The following DLG2 variants were observed in gnomAD, a reference collection of about 807,000 sequenced individuals.
DLG2 encodes the protein disks large homolog 2.
In DLG2, 45 loss-of-function variants were observed where a neutral mutation model predicts 132.5. The observed-to-expected ratio is 0.34, with a 90% CI of 0.27 to 0.44. The LOEUF is 0.44. Ranked by LOEUF, DLG2 falls within the 20% of genes least tolerant of loss-of-function variation. The probability of loss-of-function intolerance (pLI) is 1.00; values close to 1 mark genes in which losing one functional copy is unlikely to be tolerated. For synonymous variants in DLG2, 424 were observed against 419.6 expected, an observed-to-expected ratio of 1.01 and a Z score of -0.13; for missense variants, 1,045 against 1,196.9, an observed-to-expected ratio of 0.87 and a Z score of 1.87.
chr11:85,460,478 G>A lies in DLG2; in HGVS notation c.40+138179C>T, dbSNP rs550058165. Among the ~76,000 whole-genome samples the A allele has an allele frequency of 4.6e-5, 7 of 152,290 alleles. No individual in the cohort carries two copies. In the South Asian group the frequency reaches 1.2e-3, roughly 27 times the overall value. On this transcript the variant is annotated intron_variant, in intron 3 of 27. Coordinates refer to ENST00000376104, the MANE Select transcript of DLG2 (RefSeq NM_001142699.3). ...TCCTGGCAGTGTGGGAGCCTACTCT[G>A]GCTCCATGCCACTCCTGGGTGGGCA...
chr11:85,176,493 T>G (rs2079256826), intron 4 of DLG2, among the ~76,000 whole-genome samples: 1 of 151,890 alleles, frequency 6.6e-6, no homozygotes. Context: ...AATATAAAAC[T>G]CAAAACTATG....
At chr11:83,991,928 C>T (rs974199509) in intron 11 of DLG2, among the ~76,000 whole-genome samples, 65 of 152,192 alleles carry the variant, frequency 4.3e-4, no homozygotes, top group Admixed American at 3.5e-3. Context: ...GGATTAGGGT[C>T]CATTGATTGG....
chr11:83,519,651 A>C lies in DLG2; in HGVS notation c.2193+13057T>G, dbSNP rs187392168. On this transcript the variant is annotated intron_variant, in intron 21 of 27. Coordinates refer to ENST00000376104, the MANE Select transcript of DLG2 (RefSeq NM_001142699.3). ...ACCTGGCTTATATGTAATCTTCAAA[A>C]AACATCAATTGTATTGTTATCACAT... Among the ~76,000 whole-genome samples the C allele has an allele frequency of 3.2e-3, 488 of 152,332 alleles. 5 individuals are homozygous for C. The highest frequency in any genetic ancestry group is 0.017 in the Middle Eastern group (5 of 294).
At chr11:84,405,254 G>A (rs17147295) in intron 7 of DLG2, among the ~76,000 whole-genome samples, 29,957 of 152,186 alleles carry the variant, frequency 0.2, 4,064 homozygotes, top group African/African-American at 0.38. Flanking sequence ...TGCAGCTGTA[G>A]TATTCTTTCC....
chr11:84,128,729 G>A (rs183099004), intron 9 of DLG2, among the ~76,000 whole-genome samples: 161 of 152,052 alleles, frequency 1.1e-3, no homozygotes, highest in African/African-American at 3.7e-3. Context: ...GGCATTTAGG[G>A]GGCAATATAC....
intron 9 of DLG2, among the ~76,000 whole-genome samples, chr11:84,115,665 C>T (rs1011964237): frequency 3.3e-5 from 5 of 152,140 alleles, no homozygotes; most frequent in African/African-American, 1.2e-4. Context: ...AGCATTTTTA[C>T]GTCCTTATTC....
chr11:84,576,230 G>T (rs57498096), intron 6 of DLG2, among the ~76,000 whole-genome samples: 21,451 of 152,132 alleles, frequency 0.14, 1,677 homozygotes, highest in African/African-American at 0.21. Flanking sequence ...CCTACATGCA[G>T]AAATAATCTA....
chr11:84,060,102 C>G (rs2096567079), intron 10 of DLG2, among the ~76,000 whole-genome samples: 1 of 152,094 alleles, frequency 6.6e-6, no homozygotes, highest in Non-Finnish European at 1.5e-5. Context: ...CACCTGAGGT[C>G]AGGGGTTCGA....
chr11:85,055,560 A>C (rs572841609), intron 6 of DLG2, among the ~76,000 whole-genome samples: 3 of 152,322 alleles, frequency 2.0e-5, no homozygotes, highest in East Asian at 1.9e-4. Context: ...CTGGGGAAAC[A>C]AAAATTAGGG....
chr11:83,791,569 T>G, intron 17 of DLG2: 1 of 494,966 alleles, frequency 2.0e-6, no homozygotes, highest in South Asian at 2.0e-5. Context: ...TTAAAACTGA[T>G]TTTCTTCATT....
chr11:83,473,216 G>C, intron 22 of DLG2, among the ~76,000 whole-genome samples: 1 of 152,086 alleles, frequency 6.6e-6, no homozygotes, highest in Admixed American at 6.6e-5. Context: ...TCAAAAGCAA[G>C]TATATGCTTA....
intron 6 of DLG2, among the ~76,000 whole-genome samples, chr11:84,970,920 C>G (rs368009247): frequency 2.6e-5 from 4 of 152,172 alleles, no homozygotes; most frequent in African/African-American, 9.7e-5. Flanking sequence ...AGTCTACCAA[C>G]TCTGCCATAA....
At position 85,033,099 on chromosome 11, in the gene DLG2, C is replaced by A. The variant is rs537015113; in HGVS notation, c.357+78562G>T. ...TATATGTGCTTTGGTGCAAAAAGTT[C>A]CCAACAGATAAAAAAATAACTGTTT... On this transcript the variant is annotated intron_variant, in intron 6 of 27. Transcript: ENST00000376104. Among the ~76,000 whole-genome samples, 29 of 152,090 alleles carry A rather than the reference C, an allele frequency of 1.9e-4. No individual in the cohort carries two copies. In the South Asian group the frequency reaches 6.0e-3, roughly 32 times the overall value.
chr11:84,268,677 G>A (rs939047398), intron 7 of DLG2, among the ~76,000 whole-genome samples: 7 of 151,916 alleles, frequency 4.6e-5, no homozygotes, highest in African/African-American at 1.7e-4. Context: ...TAGCCACGAT[G>A]GTCTTGATCT....
At chr11:85,314,866 C>T (rs1236819520) in intron 3 of DLG2, among the ~76,000 whole-genome samples, 1 of 151,892 alleles carries the variant, frequency 6.6e-6, no homozygotes, top group African/African-American at 2.4e-5. Flanking sequence ...CCTCAATCTT[C>T]CATTTCACCT....
At chr11:83,597,660 C>T (rs117337875) in intron 19 of DLG2, among the ~76,000 whole-genome samples, 2,165 of 151,696 alleles carry the variant, frequency 0.014, 24 homozygotes, top group Middle Eastern at 0.024. Flanking sequence ...GTGGTGTGTT[C>T]CTTAGTCCTA....
At chr11:84,979,745 T>C (rs905532985) in intron 6 of DLG2, among the ~76,000 whole-genome samples, 3 of 152,084 alleles carry the variant, frequency 2.0e-5, no homozygotes, top group Non-Finnish European at 2.9e-5. Flanking sequence ...ACATGGCACA[T>C]GTATACATAT....
chr11:84,069,731 A>G (rs1186334130), intron 10 of DLG2, among the ~76,000 whole-genome samples: 3 of 152,202 alleles, frequency 2.0e-5, no homozygotes, highest in East Asian at 1.9e-4. Flanking sequence ...GCTTTCCACA[A>G]TGGGGACAGA....
chr11:84,721,173 G>A (rs1187088640), intron 6 of DLG2, among the ~76,000 whole-genome samples: 1 of 152,174 alleles, frequency 6.6e-6, no homozygotes, highest in African/African-American at 2.4e-5. Context: ...GAGCGCGGCA[G>A]GGAACTTCCT....
Sources: gnomAD v4.1 joint callset for allele counts (sites outside exome capture counted in the v4.1 genomes callset) on GRCh38, gnomAD v4.1.1 for gene constraint, MANE v1.5 for transcripts, NCBI Gene and HGNC (gene_info 2026-07-23, HGNC 2026-07-21) for gene names.